The following PLD1 variants were observed in gnomAD, a reference collection of about 807,000 sequenced individuals.
PLD1 encodes choline phosphatase 1.
A neutral mutation model predicts 137.1 loss-of-function variants in PLD1; 112 were observed. The observed-to-expected ratio is 0.82, with a 90% CI of 0.70 to 0.96. The LOEUF is 0.96. Ranked by LOEUF, PLD1 falls within the 40% of genes least tolerant of loss-of-function variation. The pLI, the probability that PLD1 is intolerant of heterozygous loss-of-function variation, is 0.00. For synonymous variants in PLD1, 431 were observed against 454.7 expected, an observed-to-expected ratio of 0.95 and a Z score of 0.66; for missense variants, 1,321 against 1,342.0, an observed-to-expected ratio of 0.98 and a Z score of 0.24.
At chr3:171,620,258 T>C in intron 24 of PLD1, 128 bp downstream of exon 24, 1 of 592,686 alleles carries the variant, frequency 1.7e-6, no homozygotes, top group Non-Finnish European at 2.9e-6. Flanking sequence ...GCTTCAGAAA[T>C]GTTTTAGTTA....
chr3:171,644,926 T>C lies in PLD1; in HGVS notation c.2527A>G (p.Met843Val). ...TGGGNALQAI[M>V]HFNYRTMCRG... The stretch of plus-strand genomic sequence containing the variant: ...TTTTGGCACCTGTAGTTGAAGTGCA[T>C]GATTGCCTGTAGAGCATTTCCTCCG... Residue 843 changes from methionine to valine, a missense_variant, in exon 22 of 27, where the codon ATG becomes GTG. Transcript: ENST00000351298. 1.2e-6 allele frequency: 2 copies of C among 1,611,308 alleles called. No individual in the cohort carries two copies. The highest frequency in any genetic ancestry group is 2.2e-5 in the East Asian group (1 of 44,872).
chr3:171,634,377 A>G (rs1734931651), intron 23 of PLD1, among the ~76,000 whole-genome samples: 1 of 152,156 alleles, frequency 6.6e-6, no homozygotes, highest in African/African-American at 2.4e-5. Flanking sequence ...GCGCATTTTT[A>G]CAAGCCACTG....
chr3:171,663,930 T>C (rs1047670156), intron 19 of PLD1, among the ~76,000 whole-genome samples: 7 of 152,216 alleles, frequency 4.6e-5, no homozygotes, highest in Non-Finnish European at 1.0e-4. Context: ...GAAAAATTCT[T>C]GTTCAAATCA....
chr3:171,619,597 T>C (rs561175324), intron 24 of PLD1, among the ~76,000 whole-genome samples: 4 of 152,330 alleles, frequency 2.6e-5, no homozygotes, highest in African/African-American at 4.8e-5. Flanking sequence ...AAAATAGTGG[T>C]AATGCATAGA....
At chr3:171,767,386 G>A (rs1722053434) in intron 1 of PLD1, among the ~76,000 whole-genome samples, 1 of 152,190 alleles carries the variant, frequency 6.6e-6, no homozygotes, top group South Asian at 2.1e-4. Flanking sequence ...GTAGAGAAAG[G>A]ACACCAATGG....
At chr3:171,686,869 A>C in intron 15 of PLD1, 71 bp from the exon 16 acceptor site, 1 of 756,994 alleles carries the variant, frequency 1.3e-6, no homozygotes, top group Non-Finnish European at 2.2e-6. Flanking sequence ...AGCAAAGCTG[A>C]TCATTTTTAA....
At chr3:171,761,064 C>A (rs1721360203) in intron 1 of PLD1, among the ~76,000 whole-genome samples, 1 of 152,172 alleles carries the variant, frequency 6.6e-6, no homozygotes, top group African/African-American at 2.4e-5. Flanking sequence ...TAAATGTATA[C>A]ATCTTCATTT....
rs1420367309 is a variant in PLD1, at chr3:171,652,166, C to A, written c.2429+7047G>T. ...CGGTGGCTCATGCCTGTAATCCCAG[C>A]ACTTTGGCAGGCCAAGGCGGGCGGA... is the stretch of plus-strand genomic sequence containing the variant. On this transcript the variant is annotated intron_variant, in intron 21 of 26. Coordinates refer to ENST00000351298, the MANE Select transcript of PLD1 (RefSeq NM_002662.5). Among the ~76,000 whole-genome samples the A allele has an allele frequency of 2.0e-5, 3 of 152,090 alleles. No individual in the cohort carries two copies. In the East Asian group the frequency reaches 5.8e-4, roughly 29 times the overall value.
chr3:171,696,273 G>C (rs986713970), intron 12 of PLD1, among the ~76,000 whole-genome samples: 2 of 152,204 alleles, frequency 1.3e-5, no homozygotes, highest in Admixed American at 1.3e-4. Flanking sequence ...AGCAAGTGCA[G>C]AACTGTGGAA....
At chr3:171,625,943 G>A (rs537145447) in intron 23 of PLD1, among the ~76,000 whole-genome samples, 47 of 152,270 alleles carry the variant, frequency 3.1e-4, no homozygotes, top group East Asian at 1.2e-3. Context: ...AAAGCAGAGC[G>A]CCTCTCCTCC....
chr3:171,795,820 G>T (rs566748531), intron 1 of PLD1, among the ~76,000 whole-genome samples: 1 of 152,280 alleles, frequency 6.6e-6, no homozygotes, highest in South Asian at 2.1e-4. Flanking sequence ...GGAGAAAATT[G>T]AGGCCCAGAA....
At chr3:171,732,490 C>T (rs1023046227) in intron 6 of PLD1, among the ~76,000 whole-genome samples, 1 of 152,210 alleles carries the variant, frequency 6.6e-6, no homozygotes, top group African/African-American at 2.4e-5. Context: ...AAACCATGTG[C>T]TGCAAGGCAG....
At chr3:171,781,400 GA>G (rs915075158) in intron 1 of PLD1, among the ~76,000 whole-genome samples, 1 of 147,712 alleles carries the variant, frequency 6.8e-6, no homozygotes, top group South Asian at 2.1e-4. Context: ...AACATAAAAA[GA>G]AAAAAAAACA....
chr3:171,664,015 C>T (rs528200184), intron 19 of PLD1, among the ~76,000 whole-genome samples: 2 of 152,064 alleles, frequency 1.3e-5, no homozygotes, highest in Non-Finnish European at 1.5e-5. Context: ...ACTGTGCCAT[C>T]CTCAGTAGTG....
chr3:171,686,509 G>A (rs1714572532), intron 16 of PLD1, among the ~76,000 whole-genome samples, 176 bp downstream of exon 16: 1 of 152,348 alleles, frequency 6.6e-6, no homozygotes, highest in South Asian at 2.1e-4. Context: ...TTCTTAGGGA[G>A]TAGGGATCTT....
At chr3:171,801,199 G>A (rs1723630540) in intron 1 of PLD1, among the ~76,000 whole-genome samples, 1 of 152,236 alleles carries the variant, frequency 6.6e-6, no homozygotes, top group African/African-American at 2.4e-5. Flanking sequence ...CCTAGGCCTA[G>A]TACTGTGTTA....
intron 13 of PLD1, among the ~76,000 whole-genome samples, chr3:171,690,595 T>C (rs4894494): frequency 6.6e-6 from 1 of 151,972 alleles, no homozygotes; most frequent in African/African-American, 2.4e-5. Flanking sequence ...ATTTTTGTTT[T>C]ATCATTGCTT....
chr3:171,651,667 C>T (rs984802900), intron 21 of PLD1, among the ~76,000 whole-genome samples: 2 of 152,132 alleles, frequency 1.3e-5, no homozygotes, highest in African/African-American at 4.8e-5. Context: ...GGCAAGCTTT[C>T]AAACATAAGA....
chr3:171,684,115 G>A (rs1328782327), intron 16 of PLD1, among the ~76,000 whole-genome samples: 2 of 152,132 alleles, frequency 1.3e-5, no homozygotes, highest in African/African-American at 4.8e-5. Context: ...ACACATGTAT[G>A]ATCAGTGTCT....
Sources: gnomAD v4.1 joint callset for allele counts (sites outside exome capture counted in the v4.1 genomes callset) on GRCh38, gnomAD v4.1.1 for gene constraint, MANE v1.5 for transcripts, NCBI Gene and HGNC (gene_info 2026-07-23, HGNC 2026-07-21) for gene names.